Variants in DMD observed in about 807,000 individuals in gnomAD.
The protein encoded by DMD is dystrophin.
In DMD, 63 loss-of-function variants were observed where a neutral mutation model predicts 330.1. The observed-to-expected ratio is 0.19, with a 90% CI of 0.16 to 0.24. The LOEUF is 0.24. Ranked by LOEUF, DMD falls within the 10% of genes least tolerant of loss-of-function variation. DMD has a pLI of 1.00. For synonymous variants in DMD, 1,223 were observed against 959.8 expected (o/e 1.27, Z -5.07); for missense variants, 3,344 against 2,684.1 (o/e 1.25, Z -5.43).
chrX:32,554,617 C>G (rs1307998858), intron 16 of DMD, among the ~76,000 whole-genome samples: 1 of 108,312 alleles, frequency 9.2e-6, no homozygotes, highest in Non-Finnish European at 1.9e-5. Flanking sequence ...GAAATTGAGG[C>G]AATAATAAAT....
intron 54 of DMD, among the ~76,000 whole-genome samples, chrX:31,657,652 C>A (rs1430730130): frequency 8.9e-6 from 1 of 111,948 alleles, no homozygotes; most frequent in Non-Finnish European, 1.9e-5. Flanking sequence ...ACAGGTAAGG[C>A]AGTGTGCGCC....
chrX:32,270,200 C>T (rs2097360435), intron 43 of DMD, among the ~76,000 whole-genome samples: 1 of 112,179 alleles, frequency 8.9e-6, no homozygotes, highest in African/African-American at 3.2e-5. Flanking sequence ...AGGAGATTCT[C>T]AAGTCAGTAA....
In DMD at chrX:31,169,181, C is replaced by T. The variant is rs376903756; in HGVS notation, c.10553+262G>A. ...ATATAAAATCAAAGCCTTGGAGACA[C>T]ATGCAACAAGTCAAATACCACCATC... On this transcript the variant is annotated intron_variant, in intron 74 of 78. Coordinates refer to ENST00000357033, the MANE Select transcript of DMD (RefSeq NM_004006.3). Among the ~76,000 whole-genome samples the T allele has an allele frequency of 5.6e-4, 62 of 110,646 alleles. 1 individual carries two copies. Among genetic ancestry groups the T allele is most frequent in the East Asian group, 3.1e-3 (11 of 3,540 alleles).
intron 54 of DMD, among the ~76,000 whole-genome samples, chrX:31,644,296 T>C (rs1284655433): frequency 9.0e-6 from 1 of 111,583 alleles, no homozygotes; most frequent in Non-Finnish European, 1.9e-5. Context: ...GAGAAAATTC[T>C]CAAAAAGTTA....
chrX:31,483,800 A>G (rs186407378), intron 57 of DMD, among the ~76,000 whole-genome samples: 1 of 112,491 alleles, frequency 8.9e-6, no homozygotes, highest in Admixed American at 9.4e-5. Flanking sequence ...GAGGTTAAAG[A>G]AAATGGCAAT....
intron 18 of DMD, chrX:32,517,256 T>G (rs1240287508): frequency 1.2e-4 from 13 of 112,380 alleles, no homozygotes; most frequent in Non-Finnish European, 1.9e-5. Context: ...TTTTATTTAC[T>G]CTGCCTGTTA....
intron 53 of DMD, among the ~76,000 whole-genome samples, chrX:31,676,302 A>C (rs1166165467): frequency 8.9e-6 from 1 of 112,452 alleles, no homozygotes; most frequent in Non-Finnish European, 1.9e-5. Context: ...AAGCCAGCTA[A>C]TATCACTTAG....
chrX:32,206,828 G>A lies in DMD; in HGVS notation c.6438+10088C>T, dbSNP rs1331287822. On this transcript the variant is annotated intron_variant, in intron 44 of 78. Transcript: ENST00000357033. ...CTGGCTGTCGTTTTGATAATGCAGAGTGAGAACCTTCCCTACCATGTTTGA... is the reference window on the plus strand; with the variant it reads ...CTGGCTGTCGTTTTGATAATGCAGAATGAGAACCTTCCCTACCATGTTTGA... The A allele has an allele frequency of 1.1e-5, 4 of 353,796 alleles. No individual in the cohort carries two copies. The East Asian group carries it at 1.6e-4, about 14-fold the overall frequency. 29.2% of individuals were successfully genotyped at this position (353,796 alleles called of 1,213,427 possible). A position where few individuals can be genotyped will look rare whatever the true frequency, so the allele number is the denominator to read the frequency against.
intron 20 of DMD, among the ~76,000 whole-genome samples, chrX:32,487,321 G>A (rs2042580390): frequency 9.0e-6 from 1 of 111,223 alleles, no homozygotes; most frequent in South Asian, 3.8e-4. Flanking sequence ...TATTATCATG[G>A]CTGCTTACTT....
intron 41 of DMD, among the ~76,000 whole-genome samples, chrX:32,324,494 C>T (rs2148679084): frequency 9.0e-6 from 1 of 110,929 alleles, no homozygotes; most frequent in Non-Finnish European, 1.9e-5. Flanking sequence ...AAGTGAAAGT[C>T]AAAATAATAG....
intron 7 of DMD, among the ~76,000 whole-genome samples, chrX:32,711,258 C>T (rs767891590): frequency 9.0e-6 from 1 of 111,257 alleles, no homozygotes; most frequent in Non-Finnish European, 1.9e-5. Flanking sequence ...TCTGAAATGT[C>T]GGCCTCTCTC....
At chrX:32,222,221 C>A (rs888003051) in intron 43 of DMD, among the ~76,000 whole-genome samples, 2 of 111,558 alleles carry the variant, frequency 1.8e-5, no homozygotes, top group Admixed American at 9.6e-5. Flanking sequence ...ACAAATGTTC[C>A]GTTTTCATCA....
In DMD at chrX:32,253,181, T is replaced by C. The variant is rs1354534474; in HGVS notation, c.6290+34348A>G. On this transcript the variant is annotated intron_variant, in intron 43 of 78. Coordinates refer to ENST00000357033, the MANE Select transcript of DMD (RefSeq NM_004006.3). Reference sequence around the variant, plus strand: ...AGAGTTTATGTGTGACTCTAAAAAATAGATGAAGATAAGAAGATAAGTATT... The same window carrying C: ...AGAGTTTATGTGTGACTCTAAAAAACAGATGAAGATAAGAAGATAAGTATT... Among the ~76,000 whole-genome samples the C allele has an allele frequency of 3.7e-5, 4 of 107,589 alleles. No homozygotes were observed. The East Asian group carries it at 8.8e-4, about 24-fold the overall frequency. The allele number at this position is 107,589 out of a possible 115,157, so 93.4% of individuals were successfully genotyped here. A position where few individuals can be genotyped will look rare whatever the true frequency, so the allele number is the denominator to read the frequency against.
chrX:32,267,797 G>A (rs1005067269), intron 43 of DMD, among the ~76,000 whole-genome samples: 4 of 112,083 alleles, frequency 3.6e-5, no homozygotes, highest in African/African-American at 1.3e-4. Flanking sequence ...ATTGGCTTGT[G>A]TAGGATTGTG....
At chrX:33,300,028 T>C (rs1015878068) in intron 1 of DMD, among the ~76,000 whole-genome samples, 2 of 112,108 alleles carry the variant, frequency 1.8e-5, no homozygotes, top group African/African-American at 6.5e-5. Context: ...AATCACTTGG[T>C]TGTGGTCACG....
chrX:33,002,398 G>A (rs1283218510), intron 2 of DMD, among the ~76,000 whole-genome samples: 2 of 110,912 alleles, frequency 1.8e-5, no homozygotes, highest in African/African-American at 6.6e-5. Flanking sequence ...AAATCTTCTG[G>A]GGTCCAAATA....
At chrX:32,710,530 G>C (rs1045924918) in intron 7 of DMD, among the ~76,000 whole-genome samples, 1 of 111,345 alleles carries the variant, frequency 9.0e-6, no homozygotes, top group Non-Finnish European at 1.9e-5. Flanking sequence ...GACAAAGTTA[G>C]TACATTTTAA....
At chrX:32,624,762 T>C (rs934157537) in intron 11 of DMD, among the ~76,000 whole-genome samples, 30 of 111,977 alleles carry the variant, frequency 2.7e-4, no homozygotes, top group Non-Finnish European at 3.8e-5. Flanking sequence ...GACGTAGTAT[T>C]TTTCAAATGA....
intron 51 of DMD, among the ~76,000 whole-genome samples, chrX:31,730,049 G>A (rs978427793): frequency 1.8e-5 from 2 of 111,838 alleles, no homozygotes; most frequent in African/African-American, 6.5e-5. Context: ...AGTAAGAAAT[G>A]TTATTCTGAA....
Sources: gnomAD v4.1 joint callset for allele counts (sites outside exome capture counted in the v4.1 genomes callset) on GRCh38, gnomAD v4.1.1 for gene constraint, MANE v1.5 for transcripts, NCBI Gene and HGNC (gene_info 2026-07-23, HGNC 2026-07-21) for gene names.